The following TSR3 variants were observed in gnomAD, a reference collection of about 807,000 sequenced individuals.
The protein encoded by TSR3 is 18S rRNA aminocarboxypropyltransferase.
In TSR3, 31 loss-of-function variants were observed where a neutral mutation model predicts 28.1. The observed-to-expected ratio is 1.10, with a 90% CI of 0.83 to 1.49. The LOEUF is 1.49. TSR3 is among the 40% of genes most tolerant of loss of function. The pLI, the probability that TSR3 is intolerant of heterozygous loss-of-function variation, is 0.00. For synonymous variants in TSR3, 219 were observed against 197.2 expected (o/e 1.11, Z -0.93); for missense variants, 511 against 444.0 (o/e 1.15, Z -1.36).
In TSR3 at chr16:1,350,793, G is replaced by T; in HGVS notation, c.526+14C>A. ...GGCCGCCGGGTCACACTGCTGTGGG[G>T]CCCCTGGACTCACCTACGATGCAGA... On this transcript the variant is annotated intron_variant, in intron 3 of 5. Coordinates refer to ENST00000007390, the MANE Select transcript of TSR3 (RefSeq NM_001001410.3). The T allele has an allele frequency of 6.2e-7, 1 of 1,608,610 alleles. No homozygotes were observed. Among genetic ancestry groups the T allele is most frequent in the Non-Finnish European group, 8.5e-7 (1 of 1,176,648 alleles).
intron 2 of TSR3, 24 bp from the exon 3 acceptor site, chr16:1,351,024 G>T (rs2034661842): frequency 6.2e-7 from 1 of 1,607,358 alleles, no homozygotes; most frequent in Non-Finnish European, 8.5e-7. Context: ...CATGGGATAA[G>T]TTCAGGAGCC....
chr16:1,350,833 G>A lies in TSR3; in HGVS notation c.500C>T (p.Ala167Val), dbSNP rs764974363. ...GRPYRLSCVE[A>V]FAATFCIVGF... ...TACGATGCAGAAGGTGGCAGCAAAC[G>A]CTTCCACGCAGGAAAGTCTGTAGGG... The change falls in exon 3 of 6, where the codon GCG becomes GTG. Residue 167 changes from alanine (A) to valine (V), a missense_variant. By Grantham distance (64) the Ala-to-Val change is moderately conservative (BLOSUM62 0). Coordinates refer to ENST00000007390, the MANE Select transcript of TSR3 (RefSeq NM_001001410.3). The A allele has an allele frequency of 5.0e-6, 8 of 1,612,854 alleles. No homozygotes were observed. Among genetic ancestry groups the A allele is most frequent in the Non-Finnish European group, 6.8e-6 (8 of 1,179,930 alleles).
Position 1,350,129 on chromosome 16 carries a change from G to C in TSR3, c.632C>G (p.Pro211Arg). Residue 211 changes from proline (P) to arginine (R), a missense_variant, in exon 4 of 6, where the codon CCG (proline) becomes CGG (arginine). Transcript: ENST00000007390. ...LLDKYAACGS[P>R]EEVLQAEQEF... The stretch of plus-strand genomic sequence containing the variant: ...CTGCTCCGCCTGCAGCACCTCCTCC[G>C]GGCTGCCGCAGGCCGCGTACTTGTC... 6.2e-7 allele frequency: 1 copy of C among 1,612,172 alleles called. No individual in the cohort carries two copies. Among genetic ancestry groups the C allele is most frequent in the Non-Finnish European group, 8.5e-7 (1 of 1,179,444 alleles).
rs1443525209 is a variant in TSR3 at position 1,351,512 on chromosome 16, G to A, written c.199C>T (p.His67Tyr). The A allele has an allele frequency of 6.5e-7, 1 of 1,535,516 alleles. No homozygotes were observed. The highest frequency in any genetic ancestry group is 2.5e-5 in the East Asian group (1 of 40,212). ...CCCGTGCAGCGCCGGGGGTCGCAGT[G>A]GCCCAACTCCCACATGGCCAGCGTG... ...PCTLAMWELGHCDPRRCTGRK... is the reference protein window; with the variant it reads ...PCTLAMWELGYCDPRRCTGRK... The change falls in exon 2 of 6, where the codon CAC becomes TAC. Residue 67 changes from histidine (H) to tyrosine (Y), a missense_variant. Coordinates refer to ENST00000007390, the MANE Select transcript of TSR3 (RefSeq NM_001001410.3).
intron 2 of TSR3, 75 bp from the exon 3 acceptor site, chr16:1,351,075 G>C: frequency 1.4e-6 from 2 of 1,468,810 alleles, no homozygotes; most frequent in Admixed American, 1.9e-5. Context: ...GAATGGCCTA[G>C]CTAAGGGATT....
At chr16:1,349,693 G>C in intron 5 of TSR3, 85 bp from the exon 6 acceptor site, 1 of 1,480,510 alleles carries the variant, frequency 6.8e-7, no homozygotes, top group Admixed American at 2.2e-5. Context: ...GCCCCCAGCC[G>C]AGGACAGATT....
At chr16:1,351,116 C>T in intron 2 of TSR3, 116 bp from the exon 3 acceptor site, 2 of 1,186,628 alleles carry the variant, frequency 1.7e-6, no homozygotes, top group African/African-American at 1.5e-5. Context: ...CCCCAAACAC[C>T]CTCAAACGGA....
rs752026867 is a variant in TSR3 at position 1,349,496 on chromosome 16, C to T, written c.880G>A (p.Ala294Thr). 7 of 1,613,684 alleles carry T rather than the reference C, an allele frequency of 4.3e-6. No individual in the cohort carries two copies. In the Admixed American group the frequency reaches 5.0e-5, roughly 12 times the overall value. ...CEEEQTQGRGAEARAPAEVWK... is the reference protein window; with the variant it reads ...CEEEQTQGRGTEARAPAEVWK... ...ACCTCAGCCGGGGCCCTGGCCTCAG[C>T]CCCCCGTCCCTGCGTCTGCTCCTCT... The change falls in exon 6 of 6, where the codon GCT (alanine) becomes ACT (threonine). Residue 294 changes from alanine to threonine, a missense_variant. Physicochemically the swap from Ala to Thr is moderately conservative, Grantham distance 58. Coordinates refer to ENST00000007390, the MANE Select transcript of TSR3 (RefSeq NM_001001410.3).
At position 1,349,604 on chromosome 16, in the gene TSR3, G is replaced by A. The variant is rs2034610931; in HGVS notation, c.772C>T (p.Pro258Ser). ...PNRPVASTRL[P>S]SDTDDSDASE... ...GCATCACTGTCATCAGTGTCCGAGG[G>A]CAGCCTGGGAGAGGAGGGGGAGCAC... The change falls in exon 6 of 6, where the codon CCC (proline) becomes TCC (serine). Residue 258 changes from proline (P) to serine (S), a missense_variant. Pro to Ser is a moderately conservative substitution (Grantham distance 74). Coordinates refer to ENST00000007390, the MANE Select transcript of TSR3 (RefSeq NM_001001410.3). The A allele has an allele frequency of 2.5e-6, 4 of 1,595,378 alleles. No individual in the cohort carries two copies. The highest frequency in any genetic ancestry group is 1.1e-5 in the South Asian group (1 of 88,940).
rs1319411736 is a variant in TSR3, at chr16:1,349,346, C to T, written c.*91G>A. 6.8e-7 allele frequency: 1 copy of T among 1,469,148 alleles called. No homozygotes were observed. Among genetic ancestry groups the T allele is most frequent in the East Asian group, 2.3e-5 (1 of 44,228 alleles). The allele number at this position is 1,469,148 out of a possible 1,614,324, so 91.0% of individuals were successfully genotyped here. A position where few individuals can be genotyped will look rare whatever the true frequency, so the allele number is the denominator to read the frequency against. Reference sequence around the variant, plus strand: ...GACAGCTCAGTCCTGCCAGCAGCCGCAAAGAGCCGAGGCTGCCAGGCCCAT... The same window carrying T: ...GACAGCTCAGTCCTGCCAGCAGCCGTAAAGAGCCGAGGCTGCCAGGCCCAT... On this transcript the variant is annotated 3_prime_UTR_variant, in exon 6 of 6. Transcript: ENST00000007390.
At chr16:1,350,266 AGTCGACG>A in intron 3 of TSR3, 32 bp from the exon 4 acceptor site, 1 of 1,561,728 alleles carries the variant, frequency 6.4e-7, no homozygotes, top group Non-Finnish European at 8.6e-7. Context: ...AACCCAAAGA[AGTCGACG>A]GTCCCCTCAA....
intron 3 of TSR3, among the ~76,000 whole-genome samples, 166 bp downstream of exon 3, chr16:1,350,641 G>A (rs906046159): frequency 1.3e-5 from 2 of 152,152 alleles, no homozygotes; most frequent in Admixed American, 1.3e-4. Flanking sequence ...TCCACAGGCC[G>A]AAAACCTGAA....
rs1034850148 is a variant in TSR3, at chr16:1,351,826, G to C, written c.-22C>G. ...CCATGGCGCGGACCTGGGGTGCCGG[G>C]GACTCCCCACCCCACGGCCGCGCCC... is the stretch of plus-strand genomic sequence containing the variant. On this transcript the variant is annotated 5_prime_UTR_variant, in exon 1 of 6. Coordinates refer to ENST00000007390, the MANE Select transcript of TSR3 (RefSeq NM_001001410.3). 5 of 1,303,372 alleles carry C rather than the reference G, an allele frequency of 3.8e-6. No homozygotes were observed. The highest frequency in any genetic ancestry group is 4.8e-6 in the Non-Finnish European group (5 of 1,031,004). 80.7% of individuals were successfully genotyped at this position (1,303,372 alleles called of 1,614,324 possible).
intron 3 of TSR3, 72 bp downstream of exon 3, chr16:1,350,735 A>G: frequency 9.8e-6 from 15 of 1,528,814 alleles, no homozygotes; most frequent in Non-Finnish European, 1.3e-5. Context: ...TGTCGGCAGG[A>G]AACATGATGC....
Position 1,350,202 on chromosome 16 carries a change from TC to T in TSR3, c.558del (p.Lys187SerfsTer11). On this transcript the variant is annotated frameshift_variant, in exon 4 of 6. Transcript: ENST00000007390. LOFTEE classifies it high-confidence loss of function. ...AAGAAGCCCTTGCCCCATTTAAACT[TC>T]CGCAGCAAAATGACAGCAAGGTCTG... is the stretch of plus-strand genomic sequence containing the variant. ...GFPDLAVILLRKFKWGKGFLD... is the reference protein window; with the variant it reads ...GFPDLAVILLXKFKWGKGFLD... 6.2e-7 allele frequency: 1 copy of T among 1,602,888 alleles called. No homozygotes were observed.
At position 1,349,407 on chromosome 16, in the gene TSR3, C is replaced by T; in HGVS notation, c.*30G>A. On this transcript the variant is annotated 3_prime_UTR_variant, in exon 6 of 6. Coordinates refer to ENST00000007390, the MANE Select transcript of TSR3 (RefSeq NM_001001410.3). Reference sequence around the variant, plus strand: ...CATGTCTCTAGATTTTCTCGTCACCCAGCCTCAAAAATATATGTGTCTGCA... The same window carrying T: ...CATGTCTCTAGATTTTCTCGTCACCTAGCCTCAAAAATATATGTGTCTGCA... 3 of 1,613,094 alleles carry T rather than the reference C, an allele frequency of 1.9e-6. No homozygotes were observed. Among genetic ancestry groups the T allele is most frequent in the East Asian group, 2.2e-5 (1 of 44,880 alleles).
chr16:1,351,569 C>A lies in TSR3; in HGVS notation c.142G>T (p.Glu48Ter). 2 of 1,475,036 alleles carry A rather than the reference C, an allele frequency of 1.4e-6. No individual in the cohort carries two copies. The highest frequency in any genetic ancestry group is 8.9e-7 in the Non-Finnish European group (1 of 1,122,024). The allele number at this position is 1,475,036 out of a possible 1,614,324, so 91.4% of individuals were successfully genotyped here. The change falls in exon 2 of 6, where the codon GAG (glutamate) becomes TAG (stop). Residue 48 changes from glutamate to a stop codon, truncating the protein, a stop_gained. Coordinates refer to ENST00000007390, the MANE Select transcript of TSR3 (RefSeq NM_001001410.3). LOFTEE classifies it high-confidence loss of function. ...AGCGCCGCCGGGCCCGGGCCGCCCT[C>A]GCCGTCAGCCGCCCCTGGCTCCACG... ...ASVEPGAADGEGGPGPAALPC... is the reference protein window; with the variant it reads ...ASVEPGAADG
In TSR3 at chr16:1,351,762, C is replaced by T; in HGVS notation, c.43G>A (p.Gly15Ser). 2 of 1,351,778 alleles carry T rather than the reference C, an allele frequency of 1.5e-6. No homozygotes were observed. Among genetic ancestry groups the T allele is most frequent in the Non-Finnish European group, 1.9e-6 (2 of 1,057,182 alleles). 83.7% of individuals were successfully genotyped at this position (1,351,778 alleles called of 1,614,324 possible). A position where few individuals can be genotyped will look rare whatever the true frequency, so the allele number is the denominator to read the frequency against. The change falls in exon 1 of 6, where the codon GGC becomes AGC. Residue 15 changes from glycine (G) to serine (S), a missense_variant. Physicochemically the swap from Gly to Ser is moderately conservative, Grantham distance 56. Transcript: ENST00000007390. ...CGCGTCGGGAGGTGCCGAGGGCGGC[C>T]GCCTTCCGCCCCCGGCCCGCGCGCT... ...RAARGPGAEG[G>S]RPRHLPTRSL... is the part of the protein sequence containing the mutation.
At chr16:1,349,700 G>T (rs1260528580) in intron 5 of TSR3, 92 bp from the exon 6 acceptor site, 10 of 1,457,228 alleles carry the variant, frequency 6.9e-6, no homozygotes, top group Middle Eastern at 2.0e-4. Context: ...GCCGAGGACA[G>T]ATTCCTCTTC....
Sources: gnomAD v4.1 joint callset for allele counts (sites outside exome capture counted in the v4.1 genomes callset) on GRCh38, gnomAD v4.1.1 for gene constraint, MANE v1.5 for transcripts, NCBI Gene and HGNC (gene_info 2026-07-23, HGNC 2026-07-21) for gene names.